Variants in BSN observed in about 807,000 individuals in gnomAD.
The protein encoded by BSN is bassoon presynaptic cytomatrix protein.
BSN carries 57 observed loss-of-function variants against 264.8 expected under a neutral mutation model. That is an observed-to-expected ratio of 0.22 (90% CI 0.17 to 0.27). The LOEUF is 0.27. BSN is among the 10% of genes least tolerant of loss of function. The pLI is 1.00. For synonymous variants in BSN, 2,059 were observed against 2,137.3 expected, an observed-to-expected ratio of 0.96 and a Z score of 1.01; for missense variants, 4,615 against 5,232.5, an observed-to-expected ratio of 0.88 and a Z score of 3.64.
In BSN at chr3:49,656,014, C is replaced by T. The variant is rs781128026; in HGVS notation, c.6458C>T (p.Thr2153Ile). The T allele has an allele frequency of 2.5e-6, 4 of 1,602,714 alleles. No individual in the cohort carries two copies. The highest frequency in any genetic ancestry group is 3.4e-6 in the Non-Finnish European group (4 of 1,174,334). Residue 2153 changes from threonine to isoleucine, a missense_variant, in exon 5 of 12, where the codon ACC (threonine) becomes ATC (isoleucine). Transcript: ENST00000296452. ...AGACCTGGACTCCTTGGTAACCCCA[C>T]CTTTCCAGAGGGCCACCCAAGTCCT... ...PLRPGLLGNP[T>I]FPEGHPSPGN...
chr3:49,592,554 C>T (rs1029351201), intron 1 of BSN, among the ~76,000 whole-genome samples: 1 of 150,364 alleles, frequency 6.7e-6, no homozygotes, highest in African/African-American at 2.4e-5. Context: ...GAGATGGAGA[C>T]TATCCTGGCT....
intron 1 of BSN, among the ~76,000 whole-genome samples, chr3:49,565,144 CTT>C (rs971015437): frequency 3.8e-5 from 4 of 104,574 alleles, no homozygotes; most frequent in Admixed American, 1.0e-4. Context: ...AGAGGATTTT[CTT>C]TTTTTTTTTT....
At chr3:49,633,972 C>T (rs369282747) in intron 2 of BSN, among the ~76,000 whole-genome samples, 4 of 151,544 alleles carry the variant, frequency 2.6e-5, no homozygotes, top group East Asian at 3.9e-4. Context: ...TTTGGGAGGC[C>T]GAGGCAGGCG....
chr3:49,633,317 A>G (rs911339275), intron 2 of BSN, among the ~76,000 whole-genome samples: 1 of 151,714 alleles, frequency 6.6e-6, no homozygotes, highest in Non-Finnish European at 1.5e-5. Context: ...AAAAAAAAAG[A>G]AAAAAAGAAA....
chr3:49,664,843 T>A lies in BSN; in HGVS notation c.*4T>A. On this transcript the variant is annotated 3_prime_UTR_variant, in exon 10 of 12. Transcript: ENST00000296452. The stretch of plus-strand genomic sequence containing the variant: ...AAAATTTTCCTCATTCTGGTGACCA[T>A]GCCCAGCATGGTGAGTACAAGCAGC... 6.3e-7 allele frequency: 1 copy of A among 1,590,644 alleles called. No individual in the cohort carries two copies. Among genetic ancestry groups the A allele is most frequent in the Non-Finnish European group, 8.6e-7 (1 of 1,168,206 alleles).
intron 2 of BSN, among the ~76,000 whole-genome samples, chr3:49,634,437 G>A (rs555725161): frequency 3.0e-4 from 45 of 152,228 alleles, no homozygotes; most frequent in African/African-American, 1.0e-3. Context: ...GTTCATTTGA[G>A]ATGGAGTCTC....
intron 1 of BSN, among the ~76,000 whole-genome samples, chr3:49,623,250 G>A (rs2052318426): frequency 6.6e-6 from 1 of 152,232 alleles, no homozygotes; most frequent in Non-Finnish European, 1.5e-5. Context: ...TACCAGGGCA[G>A]TCTCCTGCAC....
intron 1 of BSN, among the ~76,000 whole-genome samples, chr3:49,567,747 A>G (rs548026443): frequency 6.6e-6 from 1 of 152,260 alleles, no homozygotes; most frequent in Non-Finnish European, 1.5e-5. Flanking sequence ...GAAAACAGCC[A>G]CTATTCTGGT....
intron 1 of BSN, among the ~76,000 whole-genome samples, chr3:49,622,702 A>G (rs1015117599): frequency 3.9e-5 from 6 of 152,236 alleles, no homozygotes; most frequent in Admixed American, 1.3e-4. Flanking sequence ...TAAATAATTT[A>G]TGTAAAAAAT....
chr3:49,608,224 G>A (rs1215893388), intron 1 of BSN, among the ~76,000 whole-genome samples: 1 of 152,196 alleles, frequency 6.6e-6, no homozygotes, highest in Non-Finnish European at 1.5e-5. Flanking sequence ...TTCTCCTTCT[G>A]AGTTAGACCC....
chr3:49,655,116 C>T lies in BSN; in HGVS notation c.5560C>T (p.Leu1854=). The T allele has an allele frequency of 6.2e-7, 1 of 1,612,516 alleles. No homozygotes were observed. Among genetic ancestry groups the T allele is most frequent in the Non-Finnish European group, 8.5e-7 (1 of 1,179,754 alleles). The stretch of plus-strand genomic sequence containing the variant: ...CCCTGCAGAGCTGCGGTCACATGCT[C>T]TGCCAGGTGCCAGGAAGCCACACAC... ...ATPAELRSHA[L]PGARKPHTVV... is the part of the protein sequence containing the mutation. The change falls in exon 5 of 12, where the codon CTG becomes TTG. Residue 1854 remains leucine, a synonymous_variant. Transcript: ENST00000296452.
At chr3:49,622,354 G>A (rs866611959) in intron 1 of BSN, among the ~76,000 whole-genome samples, 1 of 152,230 alleles carries the variant, frequency 6.6e-6, no homozygotes, top group Admixed American at 6.5e-5. Flanking sequence ...TGGCTACCAT[G>A]AGGTGTGTGG....
intron 1 of BSN, among the ~76,000 whole-genome samples, chr3:49,604,998 G>C (rs562163855): frequency 6.6e-6 from 1 of 151,574 alleles, no homozygotes; most frequent in African/African-American, 2.4e-5. Flanking sequence ...GGTAGCTCAC[G>C]CCTGTAATCC....
At chr3:49,607,380 C>T (rs767881961) in intron 1 of BSN, among the ~76,000 whole-genome samples, 4 of 152,198 alleles carry the variant, frequency 2.6e-5, no homozygotes, top group Non-Finnish European at 4.4e-5. Flanking sequence ...CCCAGGCATT[C>T]TGGGTGTGGT....
chr3:49,672,753 T>C (rs1217256097), downstream of BSN, among the ~76,000 whole-genome samples: 1 of 151,228 alleles, frequency 6.6e-6, no homozygotes, highest in East Asian at 1.9e-4. Flanking sequence ...AGTGCTAGGA[T>C]TATAGGCGTG....
At position 49,625,459 on chromosome 3, in the gene BSN, T is replaced by G; in HGVS notation, c.633+76T>G. ...CCTCCCCTGGTTCCCTTCCCCTCTTTCACCAACTCTCTTTTCCTGGTCATT... is the reference window on the plus strand; with the variant it reads ...CCTCCCCTGGTTCCCTTCCCCTCTTGCACCAACTCTCTTTTCCTGGTCATT... On this transcript the variant is annotated intron_variant, in intron 2 of 11. Transcript: ENST00000296452. The surrounding 1 kb of genome is among the most constrained non-coding windows in gnomAD (Gnocchi z 4.4). The G allele has an allele frequency of 7.6e-7, 1 of 1,314,302 alleles. No homozygotes were observed. Among genetic ancestry groups the G allele is most frequent in the Non-Finnish European group, 9.9e-7 (1 of 1,006,214 alleles). The allele number at this position is 1,314,302 out of a possible 1,614,324, so 81.4% of individuals were successfully genotyped here. A position where few individuals can be genotyped will look rare whatever the true frequency, so the allele number is the denominator to read the frequency against.
At chr3:49,579,076 C>T (rs1472385114) in intron 1 of BSN, among the ~76,000 whole-genome samples, 1 of 152,048 alleles carries the variant, frequency 6.6e-6, no homozygotes, top group Non-Finnish European at 1.5e-5. Context: ...TAACCTCAAA[C>T]TCCTGGGCTC....
chr3:49,623,654 A>G (rs1434752148), intron 1 of BSN, among the ~76,000 whole-genome samples: 1 of 152,118 alleles, frequency 6.6e-6, no homozygotes, highest in African/African-American at 2.4e-5. Flanking sequence ...GAAAAGTAAC[A>G]CTTTATCCCA....
chr3:49,605,389 AT>A (rs1398228850), intron 1 of BSN, among the ~76,000 whole-genome samples: 12 of 55,020 alleles, frequency 2.2e-4, no homozygotes, highest in Non-Finnish European at 3.5e-4. Flanking sequence ...ATAAATATAT[AT>A]TTTATATATT....
Sources: allele counts gnomAD v4.1 joint callset (sites outside exome capture counted in the v4.1 genomes callset), GRCh38; gene constraint gnomAD v4.1.1; non-coding constraint Gnocchi (gnomAD v3.1); transcripts MANE v1.5; gene names NCBI Gene and HGNC (gene_info 2026-07-23, HGNC 2026-07-21).